The following ERBB2 variants were observed in gnomAD, a reference collection of about 807,000 sequenced individuals.
ERBB2 encodes receptor tyrosine-protein kinase erbB-2.
A neutral mutation model predicts 149.0 loss-of-function variants in ERBB2; 61 were observed. The observed-to-expected ratio is 0.41, with a 90% confidence interval of 0.33 to 0.51. The LOEUF is 0.51. Among genes scored for constraint, ERBB2 ranks in the 20% least tolerant of loss-of-function variants. ERBB2 has a pLI of 0.25. For synonymous variants in ERBB2, 633 were observed against 678.8 expected, an observed-to-expected ratio of 0.93 and a Z score of 1.05; for missense variants, 1,205 against 1,655.1, an observed-to-expected ratio of 0.73 and a Z score of 4.72.
At chr17:39,701,214 A>T (rs1249697408) in intron 1 of ERBB2, among the ~76,000 whole-genome samples, 2 of 152,044 alleles carry the variant, frequency 1.3e-5, no homozygotes, top group African/African-American at 4.8e-5. Flanking sequence ...CATAAAAGCT[A>T]ACATATAGCC....
At position 39,708,353 on chromosome 17, in the gene ERBB2, C is replaced by T. The variant is rs147785188; in HGVS notation, c.258C>T (p.Ile86=). ...AGGAGGTGCAGGGCTACGTGCTCAT[C>T]GCTCACAACCAAGTGAGGCAGGTCC... The part of the protein sequence containing the change: ...DIQEVQGYVL[I]AHNQVRQVPL... The change falls in exon 3 of 27, where the codon ATC becomes ATT. Residue 86 remains isoleucine, a synonymous_variant. Coordinates refer to ENST00000269571, the MANE Select transcript of ERBB2 (RefSeq NM_004448.4). 423 of 1,614,134 alleles carry T rather than the reference C, an allele frequency of 2.6e-4. No homozygotes were observed. The Middle Eastern group carries it at 2.6e-3, about 10-fold the overall frequency.
intron 9 of ERBB2, among the ~76,000 whole-genome samples, chr17:39,713,473 A>G (rs1160301193): frequency 6.7e-6 from 1 of 149,980 alleles, no homozygotes; most frequent in Non-Finnish European, 1.5e-5. Flanking sequence ...AATTGGGGCC[A>G]GGCACGGTGG....
At chr17:39,713,424 G>A (rs1475562507) in intron 9 of ERBB2, among the ~76,000 whole-genome samples, 3 of 151,168 alleles carry the variant, frequency 2.0e-5, no homozygotes, top group African/African-American at 7.3e-5. Flanking sequence ...CACACCCGGT[G>A]CATTTTATTG....
Position 39,715,553 on chromosome 17 carries a change from A to C in ERBB2, c.1313+17A>C, listed in dbSNP as rs374858246. 10 of 1,612,270 alleles carry C rather than the reference A, an allele frequency of 6.2e-6. No homozygotes were observed. Among genetic ancestry groups the C allele is most frequent in the South Asian group, 2.2e-5 (2 of 91,036 alleles). On this transcript the variant is annotated intron_variant, in intron 11 of 26. Coordinates refer to ENST00000269571, the MANE Select transcript of ERBB2 (RefSeq NM_004448.4). ...TCTGCACAAGTGAGCACTGAGAAAGAGGGGGCCTGATGGGGAGGAGTCCCA... is the reference window on the plus strand; with the variant it reads ...TCTGCACAAGTGAGCACTGAGAAAGCGGGGGCCTGATGGGGAGGAGTCCCA...
upstream of ERBB2, among the ~76,000 whole-genome samples, chr17:39,697,341 GTTTTTTTGTTTTGTT>G (rs929972347): frequency 8.7e-5 from 12 of 137,810 alleles, no homozygotes; most frequent in African/African-American, 3.1e-4. Flanking sequence ...TGCTAGGGTT[GTTTTTTTGTTTTGTT>G]TTTTTTTTTT....
chr17:39,712,166 C>G, intron 8 of ERBB2, 119 bp downstream of exon 8: 1 of 1,544,736 alleles, frequency 6.5e-7, no homozygotes. Flanking sequence ...TCTCTGCCTT[C>G]TACTCTCTAC....
rs1238933926 is a variant in ERBB2 at position 39,724,724 on chromosome 17, A to C, written c.2308-2A>C. Reference sequence around the variant, plus strand: ...ACCCTCTCAGCGTACCCTTGTCCCCAGGAAGCATACGTGATGGCTGGTGTG... The same window carrying C: ...ACCCTCTCAGCGTACCCTTGTCCCCCGGAAGCATACGTGATGGCTGGTGTG... On this transcript the variant is annotated splice_acceptor_variant, in intron 19 of 26. Transcript: ENST00000269571. LOFTEE classifies it high-confidence loss of function. The C allele has an allele frequency of 6.2e-7, 1 of 1,613,910 alleles. No individual in the cohort carries two copies. Among genetic ancestry groups the C allele is most frequent in the East Asian group, 2.2e-5 (1 of 44,870 alleles).
chr17:39,720,752 C>T (rs567161869), intron 16 of ERBB2, among the ~76,000 whole-genome samples: 99 of 152,224 alleles, frequency 6.5e-4, no homozygotes, highest in Middle Eastern at 3.4e-3. Context: ...TGGGTTCAAG[C>T]GCTTCTTGTG....
chr17:39,713,885 A>G (rs2058962916), intron 9 of ERBB2, among the ~76,000 whole-genome samples: 1 of 151,786 alleles, frequency 6.6e-6, no homozygotes, highest in Non-Finnish European at 1.5e-5. Context: ...GTGAGATCCC[A>G]TCTCTACAAA....
intron 1 of ERBB2, chr17:39,706,785 C>G (rs574151173): frequency 6.8e-5 from 29 of 423,380 alleles, no homozygotes; most frequent in Non-Finnish European, 1.1e-4. Flanking sequence ...AGAAGCCTTT[C>G]CCCTGAAATC....
At chr17:39,714,886 C>T (rs566573294) in intron 9 of ERBB2, among the ~76,000 whole-genome samples, 1 of 151,514 alleles carries the variant, frequency 6.6e-6, no homozygotes, top group African/African-American at 2.4e-5. Context: ...TCTCCTGCCT[C>T]AGCCTCTCGA....
Position 39,710,182 on chromosome 17 carries a change from C to T in ERBB2, c.740C>T (p.Pro247Leu), listed in dbSNP as rs2145506187. Residue 247 changes from proline (P) to leucine (L), a missense_variant, in exon 6 of 27, where the codon CCC becomes CTC. Coordinates refer to ENST00000269571, the MANE Select transcript of ERBB2 (RefSeq NM_004448.4). ...CAGTGTGCTGCCGGCTGCACGGGCCCCAAGCACTCTGACTGCCTGGTATGT... is the reference window on the plus strand; with the variant it reads ...CAGTGTGCTGCCGGCTGCACGGGCCTCAAGCACTCTGACTGCCTGGTATGT... ...HEQCAAGCTG[P>L]KHSDCLACLH... 1 of 1,612,878 alleles carries T rather than the reference C, an allele frequency of 6.2e-7. No individual in the cohort carries two copies. Among genetic ancestry groups the T allele is most frequent in the Non-Finnish European group, 8.5e-7 (1 of 1,179,662 alleles).
rs191343104 is a variant in ERBB2 at position 39,723,155 on chromosome 17, G to A, written c.1947-164G>A. On this transcript the variant is annotated intron_variant, in intron 16 of 26. Transcript: ENST00000269571. This position sits in a 1 kb window ranked among gnomAD's most constrained non-coding sequence, Gnocchi z 6.2. ...GTTTGGACTTTATTGTGGAGGCAGCGGGGAGCCAAGGCAGGTTTTAGAGTA... is the reference window on the plus strand; with the variant it reads ...GTTTGGACTTTATTGTGGAGGCAGCAGGGAGCCAAGGCAGGTTTTAGAGTA... Among the ~76,000 whole-genome samples, 85 of 152,244 alleles carry A rather than the reference G, an allele frequency of 5.6e-4. No individual in the cohort carries two copies. The highest frequency in any genetic ancestry group is 8.5e-4 in the Non-Finnish European group (58 of 68,014).
chr17:39,709,899 C>G lies in ERBB2; in HGVS notation c.643+18C>G. On this transcript the variant is annotated intron_variant, in intron 5 of 26. Transcript: ENST00000269571. The stretch of plus-strand genomic sequence containing the variant: ...TCAGAGCCGTGAGTCTCAGGGAGGC[C>G]TGGAGTCAGGGAAGGGGAGGGCTGG... The G allele has an allele frequency of 6.2e-7, 1 of 1,612,382 alleles. No individual in the cohort carries two copies. The highest frequency in any genetic ancestry group is 1.1e-5 in the South Asian group (1 of 91,068).
At position 39,712,396 on chromosome 17, in the gene ERBB2, G is replaced by C. The variant is rs767588058; in HGVS notation, c.1096G>C (p.Gly366Arg). The change falls in exon 9 of 27, where the codon GGC (glycine) becomes CGC (arginine). Residue 366 changes from glycine to arginine, a missense_variant. Gly to Arg is a moderately radical substitution (Grantham distance 125). This residue lies in a region of ERBB2 where 569 missense variants were observed against 803.5 expected (regional missense o/e 0.71). Transcript: ENST00000269571. ...VTSANIQEFAGCKKIFGSLAF... is the reference protein window; with the variant it reads ...VTSANIQEFARCKKIFGSLAF... The stretch of plus-strand genomic sequence containing the variant: ...CAGTGCCAATATCCAGGAGTTTGCT[G>C]GCTGCAAGAAGATCTTTGGGAGCCT... The C allele has an allele frequency of 2.6e-5, 42 of 1,613,854 alleles. No homozygotes were observed. The highest frequency in any genetic ancestry group is 3.2e-5 in the Non-Finnish European group (38 of 1,179,970).
At position 39,727,721 on chromosome 17, in the gene ERBB2, C is replaced by A. The variant is rs2059857710; in HGVS notation, c.3445C>A (p.Pro1149Thr). Residue 1149 changes from proline to threonine, a missense_variant, in exon 27 of 27, where the codon CCC (proline) becomes ACC (threonine). Around this residue, in one of 6 missense-constraint regions of ERBB2, gnomAD observed 312 missense variants for 343.8 expected, o/e 0.91. Coordinates refer to ENST00000269571, the MANE Select transcript of ERBB2 (RefSeq NM_004448.4). The surrounding 1 kb of genome is among the most constrained non-coding windows in gnomAD (Gnocchi z 4.3). The part of the protein sequence containing the change: ...YVNQPDVRPQ[P>T]PSPREGPLPA... ...GAACCAGCCAGATGTTCGGCCCCAG[C>A]CCCCTTCGCCCCGAGAGGGCCCTCT... The A allele has an allele frequency of 6.4e-7, 1 of 1,568,310 alleles. No homozygotes were observed. The highest frequency in any genetic ancestry group is 8.6e-7 in the Non-Finnish European group (1 of 1,156,668).
At chr17:39,716,865 G>A (rs2059162479) in intron 14 of ERBB2, 5 of 528,660 alleles carry the variant, frequency 9.5e-6, no homozygotes, top group Non-Finnish European at 1.7e-5. Flanking sequence ...GGTGAGCCCT[G>A]TGGGCTCAGG....
chr17:39,715,252 C>G, intron 9 of ERBB2, 34 bp from the exon 10 acceptor site: 1 of 1,594,606 alleles, frequency 6.3e-7, no homozygotes, highest in Non-Finnish European at 8.6e-7. Context: ...CACCCTGTTC[C>G]TGGCCCTGCT....
chr17:39,708,316 C>T lies in ERBB2; in HGVS notation c.226-5C>T, dbSNP rs774414324. 23 of 1,611,326 alleles carry T rather than the reference C, an allele frequency of 1.4e-5. No individual in the cohort carries two copies. In the Middle Eastern group the frequency reaches 6.6e-4, roughly 46 times the overall value. ...TTTCAGCCCCACTCTGCTTCCCCCT[C>T]CCAGGATATCCAGGAGGTGCAGGGC... On this transcript the variant is annotated splice_region_variant and splice_polypyrimidine_tract_variant and intron_variant, in intron 2 of 26. Coordinates refer to ENST00000269571, the MANE Select transcript of ERBB2 (RefSeq NM_004448.4).
Sources: gnomAD v4.1 joint callset for allele counts (sites outside exome capture counted in the v4.1 genomes callset) on GRCh38, gnomAD v4.1.1 for gene constraint, gnomAD v4.1.1 regional missense constraint, Gnocchi (gnomAD v3.1) non-coding constraint, MANE v1.5 for transcripts, NCBI Gene and HGNC (gene_info 2026-07-23, HGNC 2026-07-21) for gene names.